Variants in ABCA4 observed in about 807,000 individuals in gnomAD.
The protein encoded by ABCA4 is ATP binding cassette subfamily A member 4, also known as retinal-specific phospholipid-transporting ATPase ABCA4.
ABCA4 carries 196 observed loss-of-function variants against 263.7 expected under a neutral mutation model. That is an observed-to-expected ratio of 0.74 (90% CI 0.66 to 0.84). The LOEUF (loss-of-function observed/expected upper bound fraction) is 0.84, where lower values mean the gene tolerates loss of function less well. Among genes scored for constraint, ABCA4 ranks in the 40% least tolerant of loss-of-function variants. The pLI is 0.00. For synonymous variants in ABCA4, 1,133 were observed against 1,094.2 expected (o/e 1.04, Z -0.70); for missense variants, 2,792 against 2,855.1 (o/e 0.98, Z 0.50).
At chr1:94,019,561 G>A (rs747063382) in intron 36 of ABCA4, 21 bp downstream of exon 36, 77 of 1,583,202 alleles carry the variant, frequency 4.9e-5, no homozygotes, top group Non-Finnish European at 6.5e-5. Context: ...GGGGAGGGAG[G>A]CGCTGTAAAC....
intron 44 of ABCA4, among the ~76,000 whole-genome samples, chr1:94,004,547 T>C (rs574790736): frequency 1.3e-5 from 2 of 152,344 alleles, no homozygotes; most frequent in African/African-American, 4.8e-5. Context: ...CAGCAGTTGT[T>C]TGTGTTAGCT....
Position 94,008,295 on chromosome 1 carries a change from A to T in ABCA4, c.5838T>A (p.Ile1946=). 6.2e-7 allele frequency: 1 copy of T among 1,614,144 alleles called. No individual in the cohort carries two copies. The highest frequency in any genetic ancestry group is 8.5e-7 in the Non-Finnish European group (1 of 1,179,980). The change falls in exon 42 of 50, where the codon ATT becomes ATA. Residue 1946 remains isoleucine, a splice_region_variant and synonymous_variant. Coordinates refer to ENST00000370225, the MANE Select transcript of ABCA4 (RefSeq NM_000350.3). ...CTGCTGGGCTGGAGGTGCCTGGATA[A>T]ATCTGCAAGATACGAAGAAACCGGA... The part of the protein sequence containing the change: ...DILRLHELTK[I]YPGTSSPAVD...
At chr1:94,007,886 G>A (rs1659436515) in intron 42 of ABCA4, 146 bp from the exon 43 acceptor site, 4 of 754,624 alleles carry the variant, frequency 5.3e-6, no homozygotes, top group Non-Finnish European at 9.3e-6. Flanking sequence ...TGGCTACTAA[G>A]CACTTGAAAC....
In ABCA4 at chr1:94,011,334, G is replaced by T. The variant is rs62642562; in HGVS notation, c.5512C>A (p.His1838Asn). 1.2e-6 allele frequency: 2 copies of T among 1,614,120 alleles called. No homozygotes were observed. Among genetic ancestry groups the T allele is most frequent in the Non-Finnish European group, 8.5e-7 (1 of 1,180,024 alleles). ...ATGAGGCCCCGGCCCAGGCAGAAGTGGGGGAAGACAATGAGCAGCTTCCTC... is the reference window on the plus strand; with the variant it reads ...ATGAGGCCCCGGCCCAGGCAGAAGTTGGGGAAGACAATGAGCAGCTTCCTC... ...VLRKLLIVFP[H>N]FCLGRGLIDL... is the part of the protein sequence containing the mutation. Residue 1838 changes from histidine (H) to asparagine (N), a missense_variant, in exon 39 of 50, where the codon CAC (histidine) becomes AAC (asparagine). By Grantham distance (68) the His-to-Asn change is moderately conservative. Transcript: ENST00000370225.
At chr1:94,062,174 A>G (rs149732362) in intron 13 of ABCA4, among the ~76,000 whole-genome samples, 334 of 152,238 alleles carry the variant, frequency 2.2e-3, no homozygotes, top group South Asian at 4.6e-3. Context: ...GGCTCCCAGG[A>G]ACCAGACCTA....
intron 29 of ABCA4, 132 bp from the exon 30 acceptor site, chr1:94,029,763 G>A (rs1660146724): frequency 1.1e-6 from 1 of 888,860 alleles, no homozygotes; most frequent in Non-Finnish European, 1.8e-6. Context: ...TCTCTTGGAG[G>A]CTGGTTTCTG....
chr1:93,999,582 T>G (rs1021510506), intron 47 of ABCA4, among the ~76,000 whole-genome samples: 4 of 152,218 alleles, frequency 2.6e-5, no homozygotes, highest in Admixed American at 2.0e-4. Flanking sequence ...TGAGTGATGG[T>G]CCACCAGAGA....
At chr1:94,066,340 G>A (rs1228513352) in intron 11 of ABCA4, among the ~76,000 whole-genome samples, 1 of 152,238 alleles carries the variant, frequency 6.6e-6, no homozygotes. Flanking sequence ...AGACCTCAAT[G>A]TTGTACAAAG....
At position 94,103,076 on chromosome 1, in the gene ABCA4, T is replaced by G; in HGVS notation, c.509A>C (p.Asn170Thr). The G allele has an allele frequency of 6.2e-7, 1 of 1,614,166 alleles. No individual in the cohort carries two copies. Among genetic ancestry groups the G allele is most frequent in the South Asian group, 1.1e-5 (1 of 91,088 alleles). The change falls in exon 5 of 50, where the codon AAC becomes ACC. Residue 170 changes from asparagine to threonine, a missense_variant. Physicochemically the swap from Asn to Thr is moderately conservative, Grantham distance 65. Transcript: ENST00000370225. Reference sequence around the variant, plus strand: ...GACCACTGAGTCAGACAGGCCGATGTTTTTAATGAGAAATAGTGTCAGTGT... The same window carrying G: ...GACCACTGAGTCAGACAGGCCGATGGTTTTAATGAGAAATAGTGTCAGTGT... ...EETLTLFLIK[N>T]IGLSDSVVYL...
rs1452590434 is a variant in ABCA4, at chr1:94,062,565, C to A, written c.1937+12G>T. The A allele has an allele frequency of 2.5e-6, 4 of 1,601,154 alleles. No individual in the cohort carries two copies. The highest frequency in any genetic ancestry group is 3.4e-6 in the Non-Finnish European group (4 of 1,172,464). The stretch of plus-strand genomic sequence containing the variant: ...GCGTGTCATGGAGGAGGATCGCGAA[C>A]TTCAGACTCACGAATCGTCCACGAA... On this transcript the variant is annotated intron_variant, in intron 13 of 49. Transcript: ENST00000370225.
At chr1:94,037,620 G>T (rs1472693873) in intron 24 of ABCA4, among the ~76,000 whole-genome samples, 1 of 151,578 alleles carries the variant, frequency 6.6e-6, no homozygotes, top group Non-Finnish European at 1.5e-5. Flanking sequence ...TGGTGGGGGG[G>T]TCATGCAACT....
rs937093702 is a variant in ABCA4, at chr1:94,103,215, G to A, written c.443-73C>T. The A allele has an allele frequency of 2.0e-5, 31 of 1,561,032 alleles. No homozygotes were observed. The Admixed American group carries it at 2.0e-4, about 10-fold the overall frequency. Reference sequence around the variant, plus strand: ...CAAAAAAAGGAAAACAGCCAGAGTCGATTGGAAACACTTGTAACTCAACTC... The same window carrying A: ...CAAAAAAAGGAAAACAGCCAGAGTCAATTGGAAACACTTGTAACTCAACTC... On this transcript the variant is annotated intron_variant, in intron 4 of 49. Transcript: ENST00000370225.
intron 38 of ABCA4, 137 bp from the exon 39 acceptor site, chr1:94,011,522 C>T: frequency 7.2e-7 from 1 of 1,394,548 alleles, no homozygotes; most frequent in East Asian, 2.4e-5. Context: ...CCAGACTGGC[C>T]ACTGGAGGGA....
intron 10 of ABCA4, 113 bp from the exon 11 acceptor site, chr1:94,078,000 C>T (rs1190830293): frequency 3.9e-6 from 4 of 1,018,524 alleles, no homozygotes; most frequent in African/African-American, 1.6e-5. Context: ...TGCTAAGGCT[C>T]CCTGAAGAGC....
rs1282701004 is a variant in ABCA4 at position 94,121,046 on chromosome 1, G to A, written c.-1C>T. The A allele has an allele frequency of 6.2e-7, 1 of 1,614,138 alleles. No individual in the cohort carries two copies. Among genetic ancestry groups the A allele is most frequent in the Admixed American group, 1.7e-5 (1 of 60,018 alleles). On this transcript the variant is annotated 5_prime_UTR_variant, in exon 1 of 50. Coordinates refer to ENST00000370225, the MANE Select transcript of ABCA4 (RefSeq NM_000350.3). ...GCTGTATCTGTCTCACGAAGCCCATGCTAATGACCACACGAAGACCAGATT... is the reference window on the plus strand; with the variant it reads ...GCTGTATCTGTCTCACGAAGCCCATACTAATGACCACACGAAGACCAGATT...
intron 22 of ABCA4, among the ~76,000 whole-genome samples, chr1:94,042,454 C>T (rs945221219): frequency 7.2e-5 from 11 of 152,190 alleles, no homozygotes; most frequent in African/African-American, 2.7e-4. Flanking sequence ...CCTGGGTCCC[C>T]ATGGTCAGAG....
At chr1:94,079,528 GTGTATCC>G (rs1291602175) in intron 8 of ABCA4, 67 bp from the exon 9 acceptor site, 2 of 1,605,626 alleles carry the variant, frequency 1.2e-6, no homozygotes, top group East Asian at 4.5e-5. Context: ...ATAGTCATTA[GTGTATCC>G]ACATCACATG....
chr1:94,016,747 C>T (rs1026442773), intron 36 of ABCA4, among the ~76,000 whole-genome samples: 2 of 152,154 alleles, frequency 1.3e-5, no homozygotes, highest in Non-Finnish European at 2.9e-5. Flanking sequence ...TGTGTGTGTA[C>T]ATCCATATCT....
chr1:94,055,149 T>C lies in ABCA4; in HGVS notation c.2549A>G (p.Tyr850Cys), dbSNP rs143797418. The change falls in exon 16 of 50, where the codon TAT becomes TGT. Residue 850 changes from tyrosine (Y) to cysteine (C), a missense_variant. Tyr to Cys is a radical substitution (Grantham distance 194). Transcript: ENST00000370225. ...ATCAAGGTACCAAGCGAGTAAGCCA[T>C]AGACAGCAGCATCAAGGAGCATCAT... ...MQMMLLDAAV[Y>C]GLLAWYLDQV... 4 of 1,614,124 alleles carry C rather than the reference T, an allele frequency of 2.5e-6. No individual in the cohort carries two copies. Among genetic ancestry groups the C allele is most frequent in the Middle Eastern group, 1.6e-4 (1 of 6,062 alleles).
Sources: gnomAD v4.1 joint callset for allele counts (sites outside exome capture counted in the v4.1 genomes callset) on GRCh38, gnomAD v4.1.1 for gene constraint, MANE v1.5 for transcripts, NCBI Gene and HGNC (gene_info 2026-07-23, HGNC 2026-07-21) for gene names.